POGZ: variants seen among roughly 807,000 people sequenced by gnomAD.
The protein encoded by POGZ is pogo transposable element derived with ZNF domain.
In POGZ, 17 loss-of-function variants were observed where a neutral mutation model predicts 134.6. The ratio of observed to expected loss-of-function variants is 0.13; its 90% CI spans 0.09 to 0.19. The LOEUF (loss-of-function observed/expected upper bound fraction) is 0.19, where lower values mean the gene tolerates loss of function less well. Ranked by LOEUF, POGZ falls within the 10% of genes least tolerant of loss-of-function variation. The probability of loss-of-function intolerance (pLI) is 1.00; values close to 1 mark genes in which losing one functional copy is unlikely to be tolerated. For missense variants in POGZ, 1,306 were observed against 1,769.7 expected (o/e 0.74, Z 4.70); for synonymous variants, 693 against 657.1 (o/e 1.05, Z -0.84).
Position 151,406,296 on chromosome 1 carries a change from T to C in POGZ, c.2739A>G (p.Ser913=), listed in dbSNP as rs1212641543. Residue 913 remains serine, a synonymous_variant, in exon 19 of 19, where the codon TCA becomes TCG. Transcript: ENST00000271715. ...TGGGGGTTGGTGGTGGGGTTGCAGT[T>C]GAGGCTGGTGATGGGAGTGCTGGGG... ...PLAPALPSPA[S]TATPPPTPTH... 2 of 1,611,222 alleles carry C rather than the reference T, an allele frequency of 1.2e-6. No homozygotes were observed. The highest frequency in any genetic ancestry group is 1.7e-6 in the Non-Finnish European group (2 of 1,178,368).
chr1:151,443,901 T>C (rs1408943808), intron 1 of POGZ, among the ~76,000 whole-genome samples: 2 of 152,154 alleles, frequency 1.3e-5, no homozygotes, highest in Non-Finnish European at 2.9e-5. Flanking sequence ...TAAGTGTCCT[T>C]AGTGTCTTAG....
chr1:151,433,606 CAAAAAAAAAAAAAA>C (rs57509550), intron 3 of POGZ, among the ~76,000 whole-genome samples: 4 of 81,738 alleles, frequency 4.9e-5, no homozygotes, highest in African/African-American at 9.6e-5. Context: ...AATTCCGTCT[CAAAAAAAAAAAAAA>C]AAAAAAAAGA....
chr1:151,452,097 CAAAA>C (rs574531921), intron 1 of POGZ, among the ~76,000 whole-genome samples: 3 of 59,034 alleles, frequency 5.1e-5, no homozygotes, highest in Non-Finnish European at 7.9e-5. Context: ...GACTCCGTCT[CAAAA>C]AAAAAAAAAA....
At chr1:151,426,770 T>G (rs536451065) in intron 7 of POGZ, 1 of 152,366 alleles carries the variant, frequency 6.6e-6, no homozygotes, top group East Asian at 1.9e-4. Context: ...TGAAGCTTTT[T>G]GTCCTATAAT....
chr1:151,455,115 A>G (rs1042595584), intron 1 of POGZ: 8 of 152,198 alleles, frequency 5.3e-5, no homozygotes, highest in Admixed American at 2.6e-4. Context: ...TCAAAAAAAA[A>G]AAAAAGACAA....
chr1:151,441,185 T>C (rs966545884), intron 2 of POGZ, 99 bp from the exon 3 acceptor site: 2 of 961,926 alleles, frequency 2.1e-6, no homozygotes, highest in East Asian at 2.7e-5. Flanking sequence ...TGGGTCTCTA[T>C]AGCCAAAAAG....
intron 1 of POGZ, among the ~76,000 whole-genome samples, chr1:151,443,209 TTTA>T: frequency 6.6e-6 from 1 of 152,328 alleles, no homozygotes; most frequent in African/African-American, 2.4e-5. Flanking sequence ...TTAAAATGCA[TTTA>T]TTATGATTAC....
intron 1 of POGZ, among the ~76,000 whole-genome samples, chr1:151,443,896 G>A (rs1417263237): frequency 6.6e-6 from 1 of 152,136 alleles, no homozygotes; most frequent in Admixed American, 6.5e-5. Context: ...GGCTCTAAGT[G>A]TCCTTAGTGT....
intron 1 of POGZ, among the ~76,000 whole-genome samples, chr1:151,458,784 C>T (rs1346432347): frequency 6.9e-6 from 1 of 145,282 alleles, no homozygotes; most frequent in Non-Finnish European, 1.5e-5. Context: ...GGACGTCGGG[C>T]TGTGTGCGGG....
intron 1 of POGZ, among the ~76,000 whole-genome samples, chr1:151,452,550 T>C (rs182084833): frequency 6.6e-6 from 1 of 152,130 alleles, no homozygotes; most frequent in Admixed American, 6.6e-5. Flanking sequence ...CAAAAAATAT[T>C]TGGCATGGGC....
At chr1:151,437,204 CA>C (rs35014457) in intron 3 of POGZ, among the ~76,000 whole-genome samples, 163 of 121,896 alleles carry the variant, frequency 1.3e-3, no homozygotes, top group Admixed American at 1.7e-3. Flanking sequence ...GACTCCGTCT[CA>C]AAAAAAAAAA....
At chr1:151,411,206 C>T (rs921494016) in intron 12 of POGZ, among the ~76,000 whole-genome samples, 11 of 152,330 alleles carry the variant, frequency 7.2e-5, no homozygotes, top group African/African-American at 2.4e-4. Context: ...CTGTCTCTTA[C>T]ACCCTACACT....
chr1:151,423,655 A>T (rs1657315454), intron 9 of POGZ, 104 bp from the exon 10 acceptor site: 1 of 893,070 alleles, frequency 1.1e-6, no homozygotes, highest in Admixed American at 2.8e-5. Flanking sequence ...GCTCCCCTCC[A>T]TTCCCCAGAC....
At chr1:151,417,454 G>A (rs995619492) in intron 10 of POGZ, among the ~76,000 whole-genome samples, 3 of 151,386 alleles carry the variant, frequency 2.0e-5, no homozygotes, top group African/African-American at 4.9e-5. Flanking sequence ...TCCGCCTCCC[G>A]GGTTCAAGCA....
chr1:151,411,833 A>T (rs1273753463), intron 11 of POGZ, 62 bp from the exon 12 acceptor site: 20 of 1,448,874 alleles, frequency 1.4e-5, no homozygotes, highest in Non-Finnish European at 1.8e-5. Context: ...AGGCCTTAAA[A>T]AAAAAGGTAG....
At chr1:151,441,110 C>A in intron 2 of POGZ, 24 bp from the exon 3 acceptor site, 3 of 1,602,158 alleles carry the variant, frequency 1.9e-6, no homozygotes, top group South Asian at 2.2e-5. Context: ...GAGGCATAGT[C>A]ACTTGGAGAC....
chr1:151,427,820 T>C lies in POGZ; in HGVS notation c.1078+3A>G, dbSNP rs1658030796. 3 of 1,595,992 alleles carry C rather than the reference T, an allele frequency of 1.9e-6. No homozygotes were observed. Among genetic ancestry groups the C allele is most frequent in the Non-Finnish European group, 2.6e-6 (3 of 1,163,694 alleles). On this transcript the variant is annotated splice_donor_region_variant and intron_variant, in intron 7 of 18. Transcript: ENST00000271715. ...CTGCTCAGAGTCTTTCAGGTTATTG[T>C]ACCTTTCATTGAAGACTCAGGTCCG...
intron 12 of POGZ, among the ~76,000 whole-genome samples, chr1:151,409,404 T>G (rs950454940): frequency 7.5e-5 from 2 of 26,714 alleles, no homozygotes; most frequent in African/African-American, 1.2e-4. Context: ...AGACAGGGTC[T>G]CTCTCTGTAG....
chr1:151,406,533 G>GATAATA (rs541963643), intron 18 of POGZ, 69 bp from the exon 19 acceptor site: 4 of 1,525,378 alleles, frequency 2.6e-6, no homozygotes, highest in Non-Finnish European at 3.5e-6. Flanking sequence ...ACAATAATAT[G>GATAATA]ATAATAATAA....
Sources: gnomAD v4.1 joint callset for allele counts (sites outside exome capture counted in the v4.1 genomes callset) on GRCh38, gnomAD v4.1.1 for gene constraint, MANE v1.5 for transcripts, NCBI Gene and HGNC (gene_info 2026-07-23, HGNC 2026-07-21) for gene names.